Variants in LTN1 observed in about 807,000 individuals in gnomAD.
LTN1 encodes the protein listerin E3 ubiquitin protein ligase 1.
In LTN1, 88 loss-of-function variants were observed where a neutral mutation model predicts 201.2. The observed-to-expected ratio is 0.44, with a 90% CI of 0.37 to 0.52. LTN1 has a LOEUF of 0.52. Among genes scored for constraint, LTN1 ranks in the 20% least tolerant of loss-of-function variants. The probability of loss-of-function intolerance (pLI) is 0.00; values close to 1 mark genes in which losing one functional copy is unlikely to be tolerated. For missense variants in LTN1, 1,752 were observed against 2,038.7 expected (o/e 0.86, Z 2.71); for synonymous variants, 645 against 713.5 (o/e 0.90, Z 1.53).
chr21:28,952,837 T>G (rs1256561836), intron 17 of LTN1, among the ~76,000 whole-genome samples: 1 of 152,208 alleles, frequency 6.6e-6, no homozygotes. Context: ...GCCTTCCTAA[T>G]CTAGGGGAGA....
At chr21:28,960,801 T>C (rs903947711) in intron 11 of LTN1, 95 bp from the exon 12 acceptor site, 8 of 809,224 alleles carry the variant, frequency 9.9e-6, no homozygotes, top group Non-Finnish European at 1.4e-5. Flanking sequence ...CCCTTCGTTA[T>C]CATGGCTCCA....
At chr21:28,973,475 C>T (rs2146306265) in intron 6 of LTN1, among the ~76,000 whole-genome samples, 1 of 150,450 alleles carries the variant, frequency 6.6e-6, no homozygotes, top group Admixed American at 6.6e-5. Flanking sequence ...AAAATACATA[C>T]ATATCTAACC....
At position 28,986,478 on chromosome 21, in the gene LTN1, G is replaced by A; in HGVS notation, c.247-241C>T. The stretch of plus-strand genomic sequence containing the variant: ...CCTCATTTAAAGTTACAAGGTCAAA[G>A]TTACATTCCCTAATGGGAAAAACTA... On this transcript the variant is annotated intron_variant, in intron 2 of 29. Coordinates refer to ENST00000361371, the MANE Select transcript of LTN1 (RefSeq NM_015565.3). The surrounding 1 kb of genome is among the most constrained non-coding windows in gnomAD (Gnocchi z 4.1). 1 of 668,634 alleles carries A rather than the reference G, an allele frequency of 1.5e-6. No homozygotes were observed. The highest frequency in any genetic ancestry group is 2.7e-6 in the Non-Finnish European group (1 of 375,600). The allele number at this position is 668,634 out of a possible 1,614,324, so 41.4% of individuals were successfully genotyped here.
At chr21:28,992,411 A>G (rs2084754123) in intron 1 of LTN1, among the ~76,000 whole-genome samples, 1 of 152,026 alleles carries the variant, frequency 6.6e-6, no homozygotes, top group Admixed American at 6.6e-5. Context: ...TCACTTTAAC[A>G]TTCTCCCAAC....
In LTN1 at chr21:28,967,099, T is replaced by TA. The variant is rs1348761327; in HGVS notation, c.1391dup (p.Ser465LysfsTer13). ...TGTCTGCTTTGGCTTCCCAGGAACT[T>TA]AGAGTTTCTGCTAAATGGTTAAATA... is the stretch of plus-strand genomic sequence containing the variant. On this transcript the variant is annotated frameshift_variant, in exon 10 of 30. Transcript: ENST00000361371. LOFTEE classifies it high-confidence loss of function. 4 of 1,614,164 alleles carry TA rather than the reference T, an allele frequency of 2.5e-6. No homozygotes were observed. Among genetic ancestry groups the TA allele is most frequent in the Non-Finnish European group, 2.5e-6 (3 of 1,179,998 alleles).
At chr21:28,964,735 G>A (rs2084507261) in intron 11 of LTN1, 1 of 1,550,386 alleles carries the variant, frequency 6.5e-7, no homozygotes, top group Non-Finnish European at 8.7e-7. Context: ...CCACACAGAT[G>A]TGAGTATTTG....
At chr21:28,964,527 A>G (rs1341016754) in intron 11 of LTN1, 1 of 1,458,318 alleles carries the variant, frequency 6.9e-7, no homozygotes, top group Non-Finnish European at 9.1e-7. Context: ...CTGGCAATCC[A>G]AAATACTTGT....
At chr21:28,992,652 G>A (rs2084756759) in intron 1 of LTN1, 112 bp downstream of exon 1, 1 of 1,195,778 alleles carries the variant, frequency 8.4e-7, no homozygotes, top group Non-Finnish European at 1.2e-6. Context: ...ACTCGACAGG[G>A]AAACACACGC....
At chr21:28,950,228 A>G (rs548959080) in intron 18 of LTN1, among the ~76,000 whole-genome samples, 4 of 152,240 alleles carry the variant, frequency 2.6e-5, no homozygotes. Flanking sequence ...TTCAAGTTTT[A>G]TAATTGTAAT....
intron 11 of LTN1, 195 bp from the exon 12 acceptor site, chr21:28,960,901 C>G (rs1421416825): frequency 7.4e-6 from 3 of 406,308 alleles, no homozygotes; most frequent in Non-Finnish European, 1.3e-5. Context: ...TTCACTTCCA[C>G]GCTTTGCTGT....
intron 27 of LTN1, among the ~76,000 whole-genome samples, chr21:28,934,672 G>A (rs1430703055): frequency 1.3e-5 from 2 of 152,070 alleles, no homozygotes; most frequent in African/African-American, 4.8e-5. Flanking sequence ...GCCCAGGCTG[G>A]TTTCAAATTC....
intron 13 of LTN1, among the ~76,000 whole-genome samples, chr21:28,959,221 A>G (rs147425400): frequency 3.3e-5 from 5 of 152,370 alleles, no homozygotes; most frequent in East Asian, 3.9e-4. Context: ...CACCTAATCA[A>G]TTATGGCTCA....
At chr21:28,931,066 G>GGTGTGTGTGT (rs10608923) in intron 29 of LTN1, 89 bp downstream of exon 29, 160 of 578,650 alleles carry the variant, frequency 2.8e-4, no homozygotes, top group African/African-American at 2.6e-3. Flanking sequence ...ACATTGTGTA[G>GGTGTGTGTGT]GTGTGTGTGT....
chr21:28,970,769 A>T (rs1247207442), intron 7 of LTN1, 27 bp from the exon 8 acceptor site: 1 of 1,529,738 alleles, frequency 6.5e-7, no homozygotes. Context: ...TTATAGTAGT[A>T]ATTAGAGATC....
Position 28,982,330 on chromosome 21 carries a change from T to C in LTN1, c.615A>G (p.Thr205=). Residue 205 remains threonine (T), a synonymous_variant, in exon 5 of 30, where the codon ACA becomes ACG. Coordinates refer to ENST00000361371, the MANE Select transcript of LTN1 (RefSeq NM_015565.3). ...QDHLIKETPD[T]LSDPQTVPEE... ...ATACAACTTACTGCGGGTCACTGAGTGTATCAGGTGTTTCTTTTATAAGAT... is the reference window on the plus strand; with the variant it reads ...ATACAACTTACTGCGGGTCACTGAGCGTATCAGGTGTTTCTTTTATAAGAT... The C allele has an allele frequency of 6.2e-7, 1 of 1,613,454 alleles. No individual in the cohort carries two copies. Among genetic ancestry groups the C allele is most frequent in the Non-Finnish European group, 8.5e-7 (1 of 1,179,532 alleles).
chr21:28,930,037 C>T lies in LTN1; in HGVS notation c.*411G>A, dbSNP rs1027146882. The stretch of plus-strand genomic sequence containing the variant: ...TAAAATATCTATAGATGTAAATCAG[C>T]TCTCTCAGTTCGTTTTGCTTCACTT... On this transcript the variant is annotated 3_prime_UTR_variant, in exon 30 of 30. Transcript: ENST00000361371. The T allele has an allele frequency of 1.3e-5, 2 of 154,596 alleles. No homozygotes were observed. The highest frequency in any genetic ancestry group is 4.8e-5 in the African/African-American group (2 of 41,492). 9.6% of individuals were successfully genotyped at this position (154,596 alleles called of 1,614,324 possible).
Position 28,956,892 on chromosome 21 carries a change from T to A in LTN1, c.2949A>T (p.Lys983Asn), listed in dbSNP as rs758481091. The A allele has an allele frequency of 1.4e-5, 22 of 1,610,598 alleles. 1 individual carries two copies. In the Middle Eastern group the frequency reaches 1.5e-3, roughly 109 times the overall value. The part of the protein sequence containing the change: ...GRLSLNYECF[K>N]TDFKEQDIKT... Reference sequence around the variant, plus strand: ...TTATGTCCTGTTCCTTAAAATCTGTTTTGAAACATTCATAATTCAAACTCA... The same window carrying A: ...TTATGTCCTGTTCCTTAAAATCTGTATTGAAACATTCATAATTCAAACTCA... Residue 983 changes from lysine (K) to asparagine (N), a missense_variant, in exon 16 of 30, where the codon AAA becomes AAT. Lys to Asn is a moderately conservative substitution (Grantham distance 94). Coordinates refer to ENST00000361371, the MANE Select transcript of LTN1 (RefSeq NM_015565.3).
intron 4 of LTN1, 72 bp downstream of exon 4, chr21:28,984,620 A>T: frequency 9.6e-7 from 1 of 1,044,190 alleles, no homozygotes; most frequent in Non-Finnish European, 1.4e-6. Context: ...CAAGTAAAAG[A>T]GCTGTCATTA....
rs761919956 is a variant in LTN1, at chr21:28,941,361, G to A, written c.4341C>T (p.Asp1447=). ...TACACCCCAAAACATTTTCTAGTAAGTCCTCTTGAATGCTAAGAAGAGACA... is the reference window on the plus strand; with the variant it reads ...TACACCCCAAAACATTTTCTAGTAAATCCTCTTGAATGCTAAGAAGAGACA... ...ALMSLLSIQE[D]LLENVLGCIP... The change falls in exon 25 of 30, where the codon GAC becomes GAT. Residue 1447 remains aspartate, a synonymous_variant. Coordinates refer to ENST00000361371, the MANE Select transcript of LTN1 (RefSeq NM_015565.3). 6.8e-6 allele frequency: 11 copies of A among 1,613,364 alleles called. No individual in the cohort carries two copies. Among genetic ancestry groups the A allele is most frequent in the Admixed American group, 1.7e-5 (1 of 59,830 alleles).
Sources: allele counts gnomAD v4.1 joint callset (sites outside exome capture counted in the v4.1 genomes callset), GRCh38; gene constraint gnomAD v4.1.1; non-coding constraint Gnocchi (gnomAD v3.1); transcripts MANE v1.5; gene names NCBI Gene and HGNC (gene_info 2026-07-23, HGNC 2026-07-21).